Variants in LRRC8C observed in about 807,000 individuals in gnomAD.
LRRC8C encodes the protein leucine rich repeat containing 8 VRAC subunit C, also known as volume-regulated anion channel subunit LRRC8C.
A neutral mutation model predicts 55.3 loss-of-function variants in LRRC8C; 20 were observed. That is an observed-to-expected ratio of 0.36 (90% CI 0.25 to 0.53). The LOEUF (loss-of-function observed/expected upper bound fraction) is 0.53. Among genes scored for constraint, LRRC8C ranks in the 20% least tolerant of loss-of-function variants. LRRC8C has a pLI of 0.92. For missense variants in LRRC8C, 659 were observed against 951.4 expected (o/e 0.69, Z 4.04); for synonymous variants, 376 against 360.7 (o/e 1.04, Z -0.48).
chr1:89,621,351 C>T, the LRRC8C span, among the ~76,000 whole-genome samples: 2 of 151,716 alleles, frequency 1.3e-5, no homozygotes, highest in Non-Finnish European at 2.9e-5. Context: ...CGCCTGTAGT[C>T]CCAGCTACTC....
intron 1 of LRRC8C, among the ~76,000 whole-genome samples, chr1:89,675,468 G>A (rs1200638066): frequency 2.6e-5 from 4 of 152,182 alleles, no homozygotes; most frequent in Non-Finnish European, 4.4e-5. Flanking sequence ...TCTGGGCTGC[G>A]CTGTGTGTTC....
At chr1:89,628,068 AT>A in the LRRC8C span, among the ~76,000 whole-genome samples, 1 of 152,218 alleles carries the variant, frequency 6.6e-6, no homozygotes, top group Non-Finnish European at 1.5e-5. Flanking sequence ...TGTGTACCTC[AT>A]AAGTGTTTAT....
intron 2 of LRRC8C, among the ~76,000 whole-genome samples, chr1:89,709,689 CT>C (rs910565943): frequency 1.8e-4 from 28 of 151,438 alleles, no homozygotes; most frequent in African/African-American, 6.5e-4. Context: ...TTTAATCTTG[CT>C]TTTACCTGAT....
intron 1 of LRRC8C, among the ~76,000 whole-genome samples, chr1:89,685,596 C>T (rs1361782297): frequency 2.0e-5 from 3 of 152,158 alleles, no homozygotes; most frequent in Admixed American, 6.5e-5. Context: ...TGATTAACCT[C>T]AAGTCCTGGG....
At chr1:89,695,046 C>T (rs978687577) in intron 2 of LRRC8C, among the ~76,000 whole-genome samples, 1 of 151,414 alleles carries the variant, frequency 6.6e-6, no homozygotes, top group African/African-American at 2.4e-5. Flanking sequence ...CTCAGCCTCC[C>T]GAGTAACTGG....
At chr1:89,622,890 A>C in the LRRC8C span, among the ~76,000 whole-genome samples, 1 of 152,212 alleles carries the variant, frequency 6.6e-6, no homozygotes, top group East Asian at 1.9e-4. Context: ...TATAATTTTG[A>C]ATTTTGGTTA....
At chr1:89,622,816 G>A in the LRRC8C span, among the ~76,000 whole-genome samples, 2 of 152,096 alleles carry the variant, frequency 1.3e-5, no homozygotes, top group Admixed American at 1.3e-4. Flanking sequence ...TAAAGTCTCT[G>A]ATAATTTTTC....
chr1:89,661,303 G>A, intron 1 of LRRC8C: 1 of 347,238 alleles, frequency 2.9e-6, no homozygotes, highest in Non-Finnish European at 5.7e-6. Flanking sequence ...TTGTTCCAGG[G>A]CTCTGGATTA....
chr1:89,692,714 G>C (rs1658057831), intron 2 of LRRC8C, among the ~76,000 whole-genome samples: 1 of 152,200 alleles, frequency 6.6e-6, no homozygotes, highest in Non-Finnish European at 1.5e-5. Flanking sequence ...GGAGAGTGTA[G>C]GAGTATATGT....
chr1:89,634,556 G>A (rs11800664), intron 1 of LRRC8C, among the ~76,000 whole-genome samples: 7,206 of 152,152 alleles, frequency 0.047, 582 homozygotes, highest in African/African-American at 0.17. Context: ...CCATTTAGAC[G>A]AAAAAGGAGT....
At chr1:89,653,014 G>C (rs1656833153) in intron 1 of LRRC8C, among the ~76,000 whole-genome samples, 1 of 152,140 alleles carries the variant, frequency 6.6e-6, no homozygotes, top group Non-Finnish European at 1.5e-5. Context: ...ACAATAGGGA[G>C]AGTGGTCGTT....
chr1:89,658,339 G>T (rs1254765213), intron 1 of LRRC8C, among the ~76,000 whole-genome samples: 1 of 152,168 alleles, frequency 6.6e-6, no homozygotes, highest in East Asian at 1.9e-4. Context: ...ACTTATTCGG[G>T]TGTGTTTGCT....
intron 1 of LRRC8C, chr1:89,661,085 G>A (rs1657107573): frequency 1.2e-5 from 2 of 166,356 alleles, no homozygotes; most frequent in Admixed American, 6.4e-5. Context: ...CAGTGCAATC[G>A]CCAATAGATT....
the LRRC8C span, among the ~76,000 whole-genome samples, chr1:89,621,771 C>T: frequency 6.6e-6 from 1 of 152,202 alleles, no homozygotes; most frequent in Admixed American, 6.5e-5. Context: ...TAAAGACACT[C>T]AACATCTCTT....
chr1:89,707,292 A>G (rs1002263315), intron 2 of LRRC8C, among the ~76,000 whole-genome samples: 3 of 152,156 alleles, frequency 2.0e-5, no homozygotes, highest in Non-Finnish European at 4.4e-5. Flanking sequence ...CTGTAGTCCC[A>G]GCTACTTGGG....
chr1:89,660,679 G>C (rs971201584), intron 1 of LRRC8C, among the ~76,000 whole-genome samples: 1 of 152,190 alleles, frequency 6.6e-6, no homozygotes, highest in African/African-American at 2.4e-5. Flanking sequence ...AGTAAGTAAT[G>C]TTGGCTCCTG....
intron 2 of LRRC8C, among the ~76,000 whole-genome samples, chr1:89,699,906 A>G (rs1313824448): frequency 1.3e-5 from 2 of 152,186 alleles, no homozygotes; most frequent in African/African-American, 2.4e-5. Context: ...AATATTTTCA[A>G]TAGTTCAGCC....
Position 89,713,284 on chromosome 1 carries a change from T to C in LRRC8C, c.714T>C (p.Ala238=). The C allele has an allele frequency of 6.2e-7, 1 of 1,614,222 alleles. No homozygotes were observed. Among genetic ancestry groups the C allele is most frequent in the Non-Finnish European group, 8.5e-7 (1 of 1,180,030 alleles). ...TGGATAAAAAGGAAGGTGAGCAGGCTAAGGCCTTATTTGAGAAGGTGAAGA... is the reference window on the plus strand; with the variant it reads ...TGGATAAAAAGGAAGGTGAGCAGGCCAAGGCCTTATTTGAGAAGGTGAAGA... ...GALDKKEGEQ[A]KALFEKVKKF... Residue 238 remains alanine, a synonymous_variant, in exon 3 of 3, where the codon GCT becomes GCC. Transcript: ENST00000370454. The surrounding 1 kb of genome is among the most constrained non-coding windows in gnomAD (Gnocchi z 5.2).
intron 2 of LRRC8C, among the ~76,000 whole-genome samples, chr1:89,702,125 G>C (rs1658348702): frequency 6.6e-6 from 1 of 152,106 alleles, no homozygotes; most frequent in African/African-American, 2.4e-5. Flanking sequence ...CTGTCTTGCA[G>C]ACTGACTCTG....
Sources: gnomAD v4.1 joint callset for allele counts (sites outside exome capture counted in the v4.1 genomes callset) on GRCh38, gnomAD v4.1.1 for gene constraint, Gnocchi (gnomAD v3.1) non-coding constraint, MANE v1.5 for transcripts, NCBI Gene and HGNC (gene_info 2026-07-23, HGNC 2026-07-21) for gene names.